The following INPP5A variants were observed in gnomAD, a reference collection of about 807,000 sequenced individuals.
INPP5A encodes the protein 43 kDa inositol polyphosphate 5-phophatase.
In INPP5A, 14 loss-of-function variants were observed where a neutral mutation model predicts 65.2. The observed-to-expected ratio is 0.21, with a 90% CI of 0.14 to 0.34. The LOEUF (loss-of-function observed/expected upper bound fraction) is 0.34, where lower values mean the gene tolerates loss of function less well. Among genes scored for constraint, INPP5A ranks in the 10% least tolerant of loss-of-function variants. The pLI, the probability that INPP5A is intolerant of heterozygous loss-of-function variation, is 1.00. For synonymous variants in INPP5A, 207 were observed against 208.3 expected, an observed-to-expected ratio of 0.99 and a Z score of 0.05; for missense variants, 431 against 545.6, an observed-to-expected ratio of 0.79 and a Z score of 2.09.
chr10:132,596,360 A>T (rs2071687844), intron 1 of INPP5A, among the ~76,000 whole-genome samples: 1 of 151,956 alleles, frequency 6.6e-6, no homozygotes, highest in South Asian at 2.1e-4. Flanking sequence ...TACATTCAAA[A>T]TTTCTTTTTT....
chr10:132,559,423 C>T (rs2071172507), intron 1 of INPP5A, among the ~76,000 whole-genome samples: 3 of 152,222 alleles, frequency 2.0e-5, no homozygotes, highest in Non-Finnish European at 4.4e-5. Flanking sequence ...TTCACAAGGT[C>T]GTGTGACCTT....
chr10:132,740,317 G>A (rs1190572890), intron 9 of INPP5A, among the ~76,000 whole-genome samples: 3 of 152,164 alleles, frequency 2.0e-5, no homozygotes, highest in Non-Finnish European at 4.4e-5. Flanking sequence ...TTACCCCCTC[G>A]ATTCTGAGCA....
Position 132,551,449 on chromosome 10 carries a change from C to T in INPP5A, c.75+13278C>T, listed in dbSNP as rs145032951. ...TCTGGGTCAGCAAGTGTTTGCCATA[C>T]GCCTGGGTGCAAAGTGGACCAGCCA... On this transcript the variant is annotated intron_variant, in intron 1 of 15. Coordinates refer to ENST00000368594, the MANE Select transcript of INPP5A (RefSeq NM_005539.5). This position sits in a 1 kb window ranked among gnomAD's most constrained non-coding sequence, Gnocchi z 5.3. Among the ~76,000 whole-genome samples the T allele has an allele frequency of 5.1e-4, 77 of 152,286 alleles. No homozygotes were observed. The highest frequency in any genetic ancestry group is 1.4e-3 in the African/African-American group (60 of 41,558).
intron 3 of INPP5A, among the ~76,000 whole-genome samples, chr10:132,647,274 C>T (rs2072510360): frequency 6.6e-6 from 1 of 152,086 alleles, no homozygotes; most frequent in Non-Finnish European, 1.5e-5. Flanking sequence ...CACCACCACA[C>T]CCAGCTAATT....
At chr10:132,740,693 A>G (rs1846257153) in intron 9 of INPP5A, among the ~76,000 whole-genome samples, 1 of 152,190 alleles carries the variant, frequency 6.6e-6, no homozygotes, top group African/African-American at 2.4e-5. Context: ...TTCTGTGTAT[A>G]ACCCTTCTTT....
intron 9 of INPP5A, among the ~76,000 whole-genome samples, chr10:132,733,912 G>T (rs553083198): frequency 6.6e-6 from 1 of 152,248 alleles, no homozygotes; most frequent in Non-Finnish European, 1.5e-5. Context: ...ACTGACAGGA[G>T]TGCCTGGGAG....
Position 132,623,396 on chromosome 10 carries a change from GTT to G in INPP5A, c.117+15453_117+15454del, listed in dbSNP as rs528742476. ...AGGCAATTTGTTAAAGAAAGGAACA[GTT>G]TTTTTTTTTTTTCAACAAATTGTGC... On this transcript the variant is annotated intron_variant, in intron 2 of 15. Coordinates refer to ENST00000368594, the MANE Select transcript of INPP5A (RefSeq NM_005539.5). Among the ~76,000 whole-genome samples the G allele has an allele frequency of 8.6e-3, 1,220 of 141,956 alleles. 15 individuals are homozygous for G. The highest frequency in any genetic ancestry group is 0.03 in the African/African-American group (1,170 of 39,038). 93.1% of individuals were successfully genotyped at this position (141,956 alleles called of 152,430 possible).
chr10:132,708,760 GCA>G (rs1188502236), intron 7 of INPP5A, among the ~76,000 whole-genome samples: 2 of 152,232 alleles, frequency 1.3e-5, no homozygotes, highest in African/African-American at 4.8e-5. Flanking sequence ...AGCAGACTGA[GCA>G]CAGACGTAGC....
chr10:132,778,500 A>G (rs1479223856), intron 13 of INPP5A, among the ~76,000 whole-genome samples: 1 of 151,868 alleles, frequency 6.6e-6, no homozygotes, highest in African/African-American at 2.4e-5. Flanking sequence ...TTAACATACA[A>G]GGAGTGTTTT....
intron 1 of INPP5A, among the ~76,000 whole-genome samples, chr10:132,559,055 C>T (rs558058927): frequency 6.5e-4 from 99 of 152,368 alleles, no homozygotes; most frequent in African/African-American, 2.2e-3. Flanking sequence ...TCTCTGTCCC[C>T]GCCTCCTGCC....
intron 9 of INPP5A, among the ~76,000 whole-genome samples, chr10:132,747,490 G>A (rs1435148147): frequency 3.3e-5 from 5 of 152,266 alleles, no homozygotes; most frequent in African/African-American, 1.2e-4. Context: ...GGCAAGAGGC[G>A]GGTCGGGCTG....
chr10:132,765,180 G>A (rs973998326), intron 11 of INPP5A, among the ~76,000 whole-genome samples: 3 of 151,798 alleles, frequency 2.0e-5, no homozygotes, highest in Non-Finnish European at 4.4e-5. Context: ...CAGAAACACG[G>A]TGGGCCAGTC....
chr10:132,766,829 T>C (rs1181770854), intron 12 of INPP5A, among the ~76,000 whole-genome samples: 1 of 146,232 alleles, frequency 6.8e-6, no homozygotes, highest in Non-Finnish European at 1.5e-5. Flanking sequence ...GCCTGTCAGC[T>C]GGGAGCAAGA....
Position 132,782,001 on chromosome 10 carries a change from G to C in INPP5A, c.*8-36G>C, listed in dbSNP as rs747859835. On this transcript the variant is annotated intron_variant, in intron 15 of 15. Coordinates refer to ENST00000368594, the MANE Select transcript of INPP5A (RefSeq NM_005539.5). This position sits in a 1 kb window ranked among gnomAD's most constrained non-coding sequence, Gnocchi z 4.4. Reference sequence around the variant, plus strand: ...GCTTTTACGCAGCTTTTCCTGGTGCGTTTGTTCCTTTAACAAATTACGAAT... The same window carrying C: ...GCTTTTACGCAGCTTTTCCTGGTGCCTTTGTTCCTTTAACAAATTACGAAT... 1 of 1,611,838 alleles carries C rather than the reference G, an allele frequency of 6.2e-7. No homozygotes were observed. Among genetic ancestry groups the C allele is most frequent in the South Asian group, 1.1e-5 (1 of 90,968 alleles).
rs938703604 is a variant in INPP5A at position 132,640,562 on chromosome 10, T to A, written c.118-5306T>A. Among the ~76,000 whole-genome samples the A allele has an allele frequency of 1.1e-3, 167 of 152,380 alleles. 3 individuals are homozygous for A. Among genetic ancestry groups the A allele is most frequent in the Non-Finnish European group, 6.5e-4 (44 of 68,038 alleles). ...ATAAGAGGCTCGCCCTGTGTATCAC[T>A]TCTCCAGGCTCTGACTCCCGGCGCT... is the stretch of plus-strand genomic sequence containing the variant. On this transcript the variant is annotated intron_variant, in intron 2 of 15. Coordinates refer to ENST00000368594, the MANE Select transcript of INPP5A (RefSeq NM_005539.5).
chr10:132,718,097 G>A (rs538664194), intron 8 of INPP5A, among the ~76,000 whole-genome samples: 11 of 149,354 alleles, frequency 7.4e-5, no homozygotes, highest in African/African-American at 2.5e-4. Flanking sequence ...TTAGACGGCC[G>A]TCTTCAGGGT....
rs1305557964 is a variant in INPP5A, at chr10:132,659,621, G to A, written c.306+9116G>A. ...CCATGGGTATTCTGTGCTGAGCGCC[G>A]TGGCTGATGCACACCCACCGTCCCC... On this transcript the variant is annotated intron_variant, in intron 4 of 15. Transcript: ENST00000368594. The surrounding 1 kb of genome is among the most constrained non-coding windows in gnomAD (Gnocchi z 5.5). 6.6e-6 allele frequency among the ~76,000 whole-genome samples: 1 copy of A among 152,228 alleles called. No homozygotes were observed.
intron 6 of INPP5A, among the ~76,000 whole-genome samples, chr10:132,702,137 G>A (rs1294391987): frequency 1.3e-5 from 2 of 152,234 alleles, no homozygotes; most frequent in Non-Finnish European, 2.9e-5. Context: ...AGTGGTAGCT[G>A]CTCTGACGAG....
At chr10:132,622,249 A>C (rs1258214966) in intron 2 of INPP5A, among the ~76,000 whole-genome samples, 1 of 152,272 alleles carries the variant, frequency 6.6e-6, no homozygotes, top group Non-Finnish European at 1.5e-5. Context: ...AACTTGAGAA[A>C]TATACCATGT....
Sources: gnomAD v4.1 joint callset for allele counts (sites outside exome capture counted in the v4.1 genomes callset) on GRCh38, gnomAD v4.1.1 for gene constraint, Gnocchi (gnomAD v3.1) non-coding constraint, MANE v1.5 for transcripts, NCBI Gene and HGNC (gene_info 2026-07-23, HGNC 2026-07-21) for gene names.